The following SLC4A10 variants were observed in gnomAD, a reference collection of about 807,000 sequenced individuals.
SLC4A10 encodes the protein sodium-driven chloride bicarbonate exchanger.
Under a neutral mutation model 137.7 loss-of-function variants are expected in SLC4A10, and 42 were observed. The ratio of observed to expected loss-of-function variants is 0.30; its 90% CI spans 0.24 to 0.39. The LOEUF is 0.39. SLC4A10 is among the 10% of genes least tolerant of loss of function. The pLI, the probability that SLC4A10 is intolerant of heterozygous loss-of-function variation, is 1.00. For synonymous variants in SLC4A10, 474 were observed against 464.1 expected, an observed-to-expected ratio of 1.02 and a Z score of -0.27; for missense variants, 925 against 1,355.0, an observed-to-expected ratio of 0.68 and a Z score of 4.98.
At chr2:161,773,387 G>T (rs2051904708) in intron 2 of SLC4A10, among the ~76,000 whole-genome samples, 1 of 151,830 alleles carries the variant, frequency 6.6e-6, no homozygotes, top group Admixed American at 6.6e-5. Flanking sequence ...CATTCAAATT[G>T]TAGTATCCTC....
Position 161,965,213 on chromosome 2 carries a change from G to A in SLC4A10, c.3159+40G>A, listed in dbSNP as rs1477627789. 3.2e-6 allele frequency: 5 copies of A among 1,553,434 alleles called. No homozygotes were observed. The South Asian group carries it at 4.8e-5, about 15-fold the overall frequency. On this transcript the variant is annotated intron_variant, in intron 23 of 26. Transcript: ENST00000446997. ...AATGTTTTATAAAGAAAGAAAAAAGGAACATAGTAATATTTCTTTGCAAAA... is the reference window on the plus strand; with the variant it reads ...AATGTTTTATAAAGAAAGAAAAAAGAAACATAGTAATATTTCTTTGCAAAA...
At chr2:161,773,861 G>A (rs2051986131) in intron 2 of SLC4A10, among the ~76,000 whole-genome samples, 1 of 151,460 alleles carries the variant, frequency 6.6e-6, no homozygotes, top group Non-Finnish European at 1.5e-5. Flanking sequence ...AAAATAGAAA[G>A]AAAACTATCT....
chr2:161,739,648 A>G (rs963509406), intron 1 of SLC4A10, among the ~76,000 whole-genome samples: 3 of 152,066 alleles, frequency 2.0e-5, no homozygotes, highest in Admixed American at 6.6e-5. Context: ...CATCAATCTC[A>G]CCTACCAACT....
intron 10 of SLC4A10, among the ~76,000 whole-genome samples, chr2:161,890,736 C>G (rs2062827301): frequency 6.6e-6 from 1 of 152,158 alleles, no homozygotes; most frequent in African/African-American, 2.4e-5. Flanking sequence ...GGTCTTGACT[C>G]TTTATCCAAG....
chr2:161,695,085 G>T (rs1231732089), intron 1 of SLC4A10, among the ~76,000 whole-genome samples: 2 of 151,874 alleles, frequency 1.3e-5, no homozygotes, highest in African/African-American at 4.8e-5. Flanking sequence ...TTCCTCCAAA[G>T]ATATTTGGAG....
chr2:161,635,081 A>G (rs981439256), intron 1 of SLC4A10, among the ~76,000 whole-genome samples: 5 of 152,138 alleles, frequency 3.3e-5, no homozygotes, highest in Non-Finnish European at 5.9e-5. Flanking sequence ...TAATCCCTAA[A>G]GAACCAAGGG....
intron 1 of SLC4A10, among the ~76,000 whole-genome samples, chr2:161,745,095 T>C (rs1294461567): frequency 1.3e-5 from 2 of 152,178 alleles, no homozygotes; most frequent in Non-Finnish European, 2.9e-5. Context: ...TATTGATATT[T>C]TTCTCTAGGT....
chr2:161,689,530 A>C (rs1053756008), intron 1 of SLC4A10, among the ~76,000 whole-genome samples: 2 of 152,182 alleles, frequency 1.3e-5, no homozygotes, highest in African/African-American at 4.8e-5. Context: ...GTAGTAGGCT[A>C]TCCCCTCCAG....
chr2:161,871,267 G>A (rs1258927778), intron 6 of SLC4A10, among the ~76,000 whole-genome samples: 1 of 151,912 alleles, frequency 6.6e-6, no homozygotes, highest in Non-Finnish European at 1.5e-5. Context: ...GGTAGGTAGA[G>A]AGAAGAGCCA....
chr2:161,736,743 G>A (rs2047384896), intron 1 of SLC4A10, among the ~76,000 whole-genome samples: 1 of 151,958 alleles, frequency 6.6e-6, no homozygotes, highest in African/African-American at 2.4e-5. Context: ...GATTTGGGTG[G>A]GGACACAGCC....
chr2:161,766,336 T>C (rs150344769), intron 1 of SLC4A10, among the ~76,000 whole-genome samples: 2,752 of 152,256 alleles, frequency 0.018, 85 homozygotes, highest in African/African-American at 0.062. Context: ...GAGGATAGCA[T>C]AGGTGCCTTA....
At chr2:161,641,050 T>C (rs2035252471) in intron 1 of SLC4A10, among the ~76,000 whole-genome samples, 1 of 152,118 alleles carries the variant, frequency 6.6e-6, no homozygotes, top group African/African-American at 2.4e-5. Context: ...CAATTTTCAA[T>C]TTTTGAATAA....
intron 1 of SLC4A10, among the ~76,000 whole-genome samples, chr2:161,662,327 T>G (rs985434146): frequency 1.3e-5 from 2 of 152,130 alleles, no homozygotes; most frequent in African/African-American, 4.8e-5. Flanking sequence ...TACAGTTTCC[T>G]TAAAATTGTA....
At chr2:161,689,226 GT>G (rs2041743881) in intron 1 of SLC4A10, among the ~76,000 whole-genome samples, 1 of 152,140 alleles carries the variant, frequency 6.6e-6, no homozygotes, top group Non-Finnish European at 1.5e-5. Context: ...ATCGTACGGT[GT>G]TTATGAAGTC....
chr2:161,710,085 T>C (rs528639086), intron 1 of SLC4A10, among the ~76,000 whole-genome samples: 195 of 151,744 alleles, frequency 1.3e-3, no homozygotes, highest in Non-Finnish European at 2.0e-3. Flanking sequence ...GTTTCTCCTT[T>C]TTAATTAAAA....
intron 1 of SLC4A10, among the ~76,000 whole-genome samples, chr2:161,702,698 A>G (rs2043251181): frequency 6.6e-6 from 1 of 151,840 alleles, no homozygotes; most frequent in Admixed American, 6.6e-5. Flanking sequence ...GAGAAAAAAT[A>G]AAGTCTATGT....
At chr2:161,675,660 C>A (rs2040202396) in intron 1 of SLC4A10, among the ~76,000 whole-genome samples, 2 of 151,832 alleles carry the variant, frequency 1.3e-5, no homozygotes, top group Non-Finnish European at 2.9e-5. Flanking sequence ...CCTATTAAAA[C>A]CTTAAAGAAT....
At chr2:161,953,747 G>A (rs143123634) in intron 19 of SLC4A10, among the ~76,000 whole-genome samples, 10 of 152,290 alleles carry the variant, frequency 6.6e-5, no homozygotes, top group Non-Finnish European at 1.3e-4. Flanking sequence ...TGCATCCTAT[G>A]ATCCTTTGGA....
intron 19 of SLC4A10, among the ~76,000 whole-genome samples, chr2:161,955,511 A>G (rs1695498744): frequency 6.6e-6 from 1 of 152,214 alleles, no homozygotes; most frequent in Non-Finnish European, 1.5e-5. Context: ...GAATCAATGA[A>G]GGGTACCATT....
Sources: gnomAD v4.1 joint callset for allele counts (sites outside exome capture counted in the v4.1 genomes callset) on GRCh38, gnomAD v4.1.1 for gene constraint, MANE v1.5 for transcripts, NCBI Gene and HGNC (gene_info 2026-07-23, HGNC 2026-07-21) for gene names.